Variants in BANP observed in about 807,000 individuals in gnomAD.
BANP encodes BTG3 associated nuclear protein.
In BANP, 11 loss-of-function variants were observed where a neutral mutation model predicts 68.1. That is an observed-to-expected ratio of 0.16 (90% CI 0.10 to 0.27). The LOEUF is 0.27. BANP is among the 10% of genes least tolerant of loss of function. The probability of loss-of-function intolerance (pLI) is 1.00; values close to 1 mark genes in which losing one functional copy is unlikely to be tolerated. For missense variants in BANP, 504 were observed against 722.7 expected, an observed-to-expected ratio of 0.70 and a Z score of 3.47; for synonymous variants, 329 against 303.2, an observed-to-expected ratio of 1.09 and a Z score of -0.88.
chr16:88,012,536 T>C (rs1431716450), intron 6 of BANP, among the ~76,000 whole-genome samples: 1 of 152,222 alleles, frequency 6.6e-6, no homozygotes, highest in Non-Finnish European at 1.5e-5. Flanking sequence ...GATGGCCTTC[T>C]GATTTGTTCA....
intron 13 of BANP, 107 bp downstream of exon 13, chr16:88,072,319 G>C (rs1380195773): frequency 7.6e-7 from 1 of 1,313,000 alleles, no homozygotes; most frequent in Non-Finnish European, 1.0e-6. Context: ...TTCCTGTGCA[G>C]AGGGCACGTG....
At chr16:88,041,056 T>C (rs182381976) in intron 11 of BANP, among the ~76,000 whole-genome samples, 155 of 152,344 alleles carry the variant, frequency 1.0e-3, no homozygotes, top group African/African-American at 3.6e-3. Context: ...GCCTGTGCCC[T>C]GTGCCCTGTG....
chr16:88,036,664 G>A lies in BANP; in HGVS notation c.1272+1270G>A, dbSNP rs752255565. ...AAGGGGAGGAACGAATTCATGTGGG[G>A]GCCGTGAGCGACTGGGAATGAGTGG... On this transcript the variant is annotated intron_variant, in intron 10 of 13. Coordinates refer to ENST00000682872, the MANE Select transcript of BANP (RefSeq NM_001386991.1). The surrounding 1 kb of genome is among the most constrained non-coding windows in gnomAD (Gnocchi z 4.2). Among the ~76,000 whole-genome samples the A allele has an allele frequency of 6.6e-6, 1 of 152,156 alleles. No individual in the cohort carries two copies. Among genetic ancestry groups the A allele is most frequent in the Non-Finnish European group, 1.5e-5 (1 of 68,028 alleles).
At position 88,004,399 on chromosome 16, in the gene BANP, A is replaced by G. The variant is rs935493192; in HGVS notation, c.467A>G (p.Asn156Ser). ...LSNRAPDSLE[N>S]VISNAVPGRR... is the part of the protein sequence containing the mutation. ...AACAGGGCACCGGATTCCCTGGAAAATGTCATTAGCAAGTCAGTAGCACGG... is the reference window on the plus strand; with the variant it reads ...AACAGGGCACCGGATTCCCTGGAAAGTGTCATTAGCAAGTCAGTAGCACGG... Residue 156 changes from asparagine (N) to serine (S), a missense_variant, in exon 5 of 14, where the codon AAT becomes AGT. Asn to Ser is a conservative substitution (Grantham distance 46). Transcript: ENST00000682872. This position sits in a 1 kb window ranked among gnomAD's most constrained non-coding sequence, Gnocchi z 7.0. 6.5e-7 allele frequency: 1 copy of G among 1,530,562 alleles called. No homozygotes were observed. The highest frequency in any genetic ancestry group is 8.8e-7 in the Non-Finnish European group (1 of 1,130,300). 94.8% of individuals were successfully genotyped at this position (1,530,562 alleles called of 1,614,324 possible).
rs879424012 is a variant in BANP at position 88,057,588 on chromosome 16, C to T, written c.1312-7679C>T. On this transcript the variant is annotated intron_variant, in intron 11 of 13. Transcript: ENST00000682872. This position sits in a 1 kb window ranked among gnomAD's most constrained non-coding sequence, Gnocchi z 4.6. ...TTTTCCCTCATGCAAAATGCAGGCA[C>T]TCTGACTGGCCCACGTTGTGTAAAA... Among the ~76,000 whole-genome samples the T allele has an allele frequency of 6.6e-6, 1 of 152,120 alleles. No individual in the cohort carries two copies. The highest frequency in any genetic ancestry group is 2.4e-5 in the African/African-American group (1 of 41,436).
rs1359411128 is a variant in BANP at position 88,040,930 on chromosome 16, T to A, written c.1311+2919T>A. Among the ~76,000 whole-genome samples the A allele has an allele frequency of 1.8e-4, 28 of 152,226 alleles. 1 individual carries two copies. The highest frequency in any genetic ancestry group is 1.8e-3 in the Admixed American group (28 of 15,284). ...CTGATTCCCTAGTTCCAACTGTCATTTAGGAATGGTTATGTGGCAGTAGAC... is the reference window on the plus strand; with the variant it reads ...CTGATTCCCTAGTTCCAACTGTCATATAGGAATGGTTATGTGGCAGTAGAC... On this transcript the variant is annotated intron_variant, in intron 11 of 13. Transcript: ENST00000682872.
At chr16:87,978,254 A>G (rs2062572706) in intron 2 of BANP, among the ~76,000 whole-genome samples, 1 of 152,250 alleles carries the variant, frequency 6.6e-6, no homozygotes, top group South Asian at 2.1e-4. Flanking sequence ...AAGAAAATAA[A>G]TGTCACTTGC....
In BANP at chr16:88,057,398, C is replaced by G. The variant is rs2085347932; in HGVS notation, c.1312-7869C>G. ...TGGGCGTTACTGCTGCACCAGGATT[C>G]CTGGCCTCCAGAGGAAGGATGGTGG... On this transcript the variant is annotated intron_variant, in intron 11 of 13. Coordinates refer to ENST00000682872, the MANE Select transcript of BANP (RefSeq NM_001386991.1). This position sits in a 1 kb window ranked among gnomAD's most constrained non-coding sequence, Gnocchi z 4.6. 6.6e-6 allele frequency among the ~76,000 whole-genome samples: 1 copy of G among 152,108 alleles called. No homozygotes were observed. The highest frequency in any genetic ancestry group is 6.5e-5 in the Admixed American group (1 of 15,272).
At chr16:87,986,133 C>T (rs1044869633) in intron 4 of BANP, among the ~76,000 whole-genome samples, 27 of 152,178 alleles carry the variant, frequency 1.8e-4, no homozygotes, top group African/African-American at 6.3e-4. Flanking sequence ...CCAAAGATGT[C>T]CCACGGGATC....
chr16:88,065,353 A>G, intron 12 of BANP, 21 bp downstream of exon 12: 1 of 764,028 alleles, frequency 1.3e-6, no homozygotes, highest in Non-Finnish European at 2.4e-6. Flanking sequence ...TGTACATCCC[A>G]TCTCTCCCAC....
chr16:88,042,521 G>A (rs988545998), intron 11 of BANP, among the ~76,000 whole-genome samples: 23 of 152,214 alleles, frequency 1.5e-4, no homozygotes, highest in African/African-American at 5.5e-4. Flanking sequence ...TGACCTCTAG[G>A]TGCACATGCT....
At position 88,071,468 on chromosome 16, in the gene BANP, G is replaced by A. The variant is rs1487338855; in HGVS notation, c.1378-601G>A. ...TCCATACTCTGGGAGGCGGTACAAG[G>A]TCGGGAGGGCCAGCGGGGCTCTCTG... is the stretch of plus-strand genomic sequence containing the variant. On this transcript the variant is annotated intron_variant, in intron 12 of 13. Coordinates refer to ENST00000682872, the MANE Select transcript of BANP (RefSeq NM_001386991.1). This position sits in a 1 kb window ranked among gnomAD's most constrained non-coding sequence, Gnocchi z 6.5. 2.2e-6 allele frequency: 1 copy of A among 456,330 alleles called. No individual in the cohort carries two copies. The highest frequency in any genetic ancestry group is 2.3e-5 in the Admixed American group (1 of 42,584). 28.3% of individuals were successfully genotyped at this position (456,330 alleles called of 1,614,324 possible). A position where few individuals can be genotyped will look rare whatever the true frequency, so the allele number is the denominator to read the frequency against.
chr16:87,986,942 A>G (rs1017237917), intron 4 of BANP, among the ~76,000 whole-genome samples: 2 of 152,206 alleles, frequency 1.3e-5, no homozygotes, highest in Non-Finnish European at 2.9e-5. Context: ...TAATATTGCT[A>G]ATAAAACCAT....
chr16:88,064,084 T>C lies in BANP; in HGVS notation c.1312-1183T>C, dbSNP rs2087715373. 6.6e-6 allele frequency among the ~76,000 whole-genome samples: 1 copy of C among 151,390 alleles called. No homozygotes were observed. The highest frequency in any genetic ancestry group is 2.1e-4 in the South Asian group (1 of 4,786). The stretch of plus-strand genomic sequence containing the variant: ...ACATTGTTGCTGCCTTGGAACAAGG[T>C]GTGGGGGCCAACCACAAGCAGGCAC... On this transcript the variant is annotated intron_variant, in intron 11 of 13. Transcript: ENST00000682872. The surrounding 1 kb of genome is among the most constrained non-coding windows in gnomAD (Gnocchi z 4.5).
chr16:88,072,592 G>A (rs2090623164), intron 13 of BANP, among the ~76,000 whole-genome samples: 1 of 152,270 alleles, frequency 6.6e-6, no homozygotes, highest in South Asian at 2.1e-4. Flanking sequence ...GCTCGGGGCA[G>A]AGCCAGTACC....
chr16:88,020,727 CG>C (rs1332330785), intron 7 of BANP, among the ~76,000 whole-genome samples: 1 of 152,090 alleles, frequency 6.6e-6, no homozygotes, highest in African/African-American at 2.4e-5. Context: ...CCCTGCTCCT[CG>C]GGGGAGAAGA....
At chr16:87,975,325 G>A in intron 2 of BANP, 140 bp downstream of exon 2, 5 of 835,816 alleles carry the variant, frequency 6.0e-6, no homozygotes, top group Non-Finnish European at 9.7e-6. Context: ...TCCTAGAGAT[G>A]TGAACACTGT....
chr16:87,988,571 CAA>C (rs2065062227), intron 4 of BANP, among the ~76,000 whole-genome samples: 1 of 152,090 alleles, frequency 6.6e-6, no homozygotes, highest in Non-Finnish European at 1.5e-5. Context: ...GGCCGGGACT[CAA>C]ATATTTTGAA....
At chr16:88,053,300 C>T (rs1220214553) in intron 11 of BANP, among the ~76,000 whole-genome samples, 9 of 151,548 alleles carry the variant, frequency 5.9e-5, no homozygotes, top group Admixed American at 5.2e-4. Flanking sequence ...GTCCCCTTCA[C>T]CACCACCACC....
Sources: gnomAD v4.1 joint callset for allele counts (sites outside exome capture counted in the v4.1 genomes callset) on GRCh38, gnomAD v4.1.1 for gene constraint, Gnocchi (gnomAD v3.1) non-coding constraint, MANE v1.5 for transcripts, NCBI Gene and HGNC (gene_info 2026-07-23, HGNC 2026-07-21) for gene names.